COXFA4L2: variants seen among roughly 807,000 people sequenced by gnomAD.
COXFA4L2 encodes the protein cytochrome c oxidase hypoxia associated subunit FA4L2, also known as NADH dehydrogenase (ubiquinone) 1 alpha subcomplex, 4-like 2.
At chr12:57,235,554 C>G in the COXFA4L2 span, 1 of 1,613,232 alleles carries the variant, frequency 6.2e-7, no homozygotes, top group Non-Finnish European at 8.5e-7. Flanking sequence ...ACTGGCAGCC[C>G]AGCCTGGCTT....
chr12:57,236,676 G>T, the COXFA4L2 span: 13 of 1,564,140 alleles, frequency 8.3e-6, no homozygotes, highest in Non-Finnish European at 1.1e-5. Context: ...CGATCATCGG[G>T]ATGATCTGCG....
chr12:57,235,439 G>A, the COXFA4L2 span: 194 of 1,074,544 alleles, frequency 1.8e-4, no homozygotes, highest in African/African-American at 1.9e-3. Context: ...GTGGGAACCC[G>A]GCCTGTGTAA....
the COXFA4L2 span, chr12:57,235,612 G>T: frequency 3.1e-6 from 5 of 1,614,060 alleles, no homozygotes; most frequent in South Asian, 5.5e-5. Context: ...AGTGGAAACT[G>T]CAAGGAACTA....
the COXFA4L2 span, chr12:57,236,977 T>G: frequency 2.5e-6 from 4 of 1,608,702 alleles, no homozygotes; most frequent in Middle Eastern, 1.7e-4. Flanking sequence ...ATTTGGAGGG[T>G]GGGGCAGCAG....
the COXFA4L2 span, chr12:57,237,105 G>C: frequency 1.9e-5 from 31 of 1,614,050 alleles, no homozygotes; most frequent in African/African-American, 1.1e-4. Flanking sequence ...TTCCCAGTCT[G>C]GTCCTCTGCA....
the COXFA4L2 span, chr12:57,236,448 T>G: frequency 1.6e-6 from 1 of 639,160 alleles, no homozygotes; most frequent in Non-Finnish European, 2.6e-6. Context: ...GTCTCCCAGG[T>G]CAGCAGTGGG....
the COXFA4L2 span, chr12:57,237,430 G>T: frequency 9.2e-7 from 1 of 1,081,358 alleles, no homozygotes; most frequent in Non-Finnish European, 1.2e-6. Flanking sequence ...AGGAGGCATG[G>T]CCATGGGACA....
chr12:57,237,001 TAGAGGTTC>T, the COXFA4L2 span: 16 of 1,614,046 alleles, frequency 9.9e-6, no homozygotes, highest in Non-Finnish European at 1.3e-5. Context: ...AGTTAGGAGT[TAGAGGTTC>T]TGAGGTTCTG....
chr12:57,237,184 C>A, the COXFA4L2 span: 9 of 1,607,224 alleles, frequency 5.6e-6, no homozygotes, highest in Non-Finnish European at 6.8e-6. Flanking sequence ...CAGCCCAGAG[C>A]AGCTTAGCTT....
the COXFA4L2 span, chr12:57,236,962 G>T: frequency 1.1e-5 from 17 of 1,597,870 alleles, no homozygotes; most frequent in Non-Finnish European, 1.4e-5. Flanking sequence ...GCAAGGCATT[G>T]GGGGATTTGG....
the COXFA4L2 span, chr12:57,235,881 C>A: frequency 1.5e-6 from 2 of 1,377,908 alleles, no homozygotes; most frequent in South Asian, 3.2e-5. Flanking sequence ...AATTTGACCC[C>A]CAAGCTCCAC....
chr12:57,235,373 G>A, the COXFA4L2 span: 17 of 651,682 alleles, frequency 2.6e-5, no homozygotes, highest in African/African-American at 1.3e-4. Flanking sequence ...GGTCAGAGGC[G>A]CTTCCGCTGC....
chr12:57,237,222 C>T, the COXFA4L2 span: 333 of 1,531,718 alleles, frequency 2.2e-4, 2 homozygotes, highest in African/African-American at 3.8e-3. Flanking sequence ...TTTGGACTCA[C>T]CCCACCCCAA....
chr12:57,238,548 A>G, the COXFA4L2 span, among the ~76,000 whole-genome samples: 5 of 152,142 alleles, frequency 3.3e-5, no homozygotes, highest in East Asian at 9.6e-4. This position sits in a 1 kb window ranked among gnomAD's most constrained non-coding sequence, Gnocchi z 6.8. Flanking sequence ...CTCTGGGACC[A>G]AAAAACAATC....
the COXFA4L2 span, chr12:57,235,938 G>C: frequency 1.4e-6 from 1 of 692,692 alleles, no homozygotes. Flanking sequence ...CTGCCCTGGG[G>C]GTCCCATTTC....
At chr12:57,235,313 C>G in the COXFA4L2 span, 2 of 588,630 alleles carry the variant, frequency 3.4e-6, no homozygotes, top group Non-Finnish European at 6.1e-6. Context: ...TTGGTGGACC[C>G]CTGCTGGTGC....
chr12:57,236,325 G>T, the COXFA4L2 span: 1 of 471,422 alleles, frequency 2.1e-6, no homozygotes, highest in Non-Finnish European at 3.7e-6. Context: ...CAAGCCCACC[G>T]CTGGCTGAGC....
At chr12:57,235,788 CG>C in the COXFA4L2 span, 532 of 1,558,198 alleles carry the variant, frequency 3.4e-4, 1 homozygote, top group South Asian at 1.2e-3. Flanking sequence ...TCCAGGGCTC[CG>C]GGTTGTTCTT....
chr12:57,236,955 AG>A, the COXFA4L2 span: 1 of 1,588,218 alleles, frequency 6.3e-7, no homozygotes, highest in South Asian at 1.1e-5. Flanking sequence ...GCACAAGGCA[AG>A]GCATTGGGGG....
Sources: gnomAD v4.1 joint callset for allele counts (sites outside exome capture counted in the v4.1 genomes callset) on GRCh38, gnomAD v4.1.1 for gene constraint, Gnocchi (gnomAD v3.1) non-coding constraint, MANE v1.5 for transcripts, NCBI Gene and HGNC (gene_info 2026-07-23, HGNC 2026-07-21) for gene names.